The following ADGRA3 variants were observed in gnomAD, a reference collection of about 807,000 sequenced individuals.
ADGRA3 encodes the protein G-protein coupled receptor 125.
Under a neutral mutation model 119.8 loss-of-function variants are expected in ADGRA3, and 56 were observed. The observed-to-expected ratio is 0.47, with a 90% CI of 0.38 to 0.58. The LOEUF is 0.58. Ranked by LOEUF, ADGRA3 falls within the 20% of genes least tolerant of loss-of-function variation. The probability of loss-of-function intolerance (pLI) is 0.00; values close to 1 mark genes in which losing one functional copy is unlikely to be tolerated. For synonymous variants in ADGRA3, 607 were observed against 623.8 expected (o/e 0.97, Z 0.40); for missense variants, 1,516 against 1,649.0 (o/e 0.92, Z 1.40).
chr4:22,500,315 T>C (rs1465641914), intron 1 of ADGRA3, among the ~76,000 whole-genome samples: 2 of 152,202 alleles, frequency 1.3e-5, no homozygotes, highest in African/African-American at 2.4e-5. Flanking sequence ...CCTGAGAAGA[T>C]AATTTACTTG....
At chr4:22,423,045 A>C (rs2109039294) in intron 11 of ADGRA3, among the ~76,000 whole-genome samples, 1 of 152,138 alleles carries the variant, frequency 6.6e-6, no homozygotes, top group South Asian at 2.1e-4. Context: ...AAAATACAAA[A>C]ATTAGCCACA....
intron 10 of ADGRA3, among the ~76,000 whole-genome samples, chr4:22,434,000 G>A (rs898130058): frequency 2.1e-4 from 32 of 151,904 alleles, no homozygotes; most frequent in East Asian, 1.2e-3. Flanking sequence ...CCTAAGTCCC[G>A]TTTATATACA....
intron 1 of ADGRA3, among the ~76,000 whole-genome samples, chr4:22,486,167 T>G (rs190941335): frequency 1.6e-4 from 25 of 152,340 alleles, no homozygotes; most frequent in Admixed American, 3.3e-4. Context: ...CTTTCTCATT[T>G]TGCAGCCCTG....
At chr4:22,394,554 G>C (rs1396732781) in intron 16 of ADGRA3, 2 of 152,188 alleles carry the variant, frequency 1.3e-5, no homozygotes, top group African/African-American at 4.8e-5. Context: ...AAATGAATTT[G>C]ATGCATAGAA....
At chr4:22,443,650 G>C (rs561156613) in intron 6 of ADGRA3, among the ~76,000 whole-genome samples, 1 of 152,018 alleles carries the variant, frequency 6.6e-6, no homozygotes, top group Admixed American at 6.6e-5. Flanking sequence ...GAATTGATAT[G>C]CATCTATTTT....
At chr4:22,504,935 T>C (rs1171367546) in intron 1 of ADGRA3, among the ~76,000 whole-genome samples, 1 of 152,154 alleles carries the variant, frequency 6.6e-6, no homozygotes, top group Non-Finnish European at 1.5e-5. Flanking sequence ...GAACTTTTAA[T>C]GCTTTCTGTT....
chr4:22,415,788 A>G (rs1357731439), intron 12 of ADGRA3, among the ~76,000 whole-genome samples: 3 of 152,180 alleles, frequency 2.0e-5, no homozygotes, highest in African/African-American at 4.8e-5. Flanking sequence ...TATACTTTCT[A>G]GAAGTTAGAA....
intron 1 of ADGRA3, among the ~76,000 whole-genome samples, chr4:22,506,704 T>C (rs546203271): frequency 9.9e-5 from 15 of 152,146 alleles, no homozygotes; most frequent in African/African-American, 2.7e-4. Context: ...ACATAGGTAA[T>C]TCCCTTACTA....
At chr4:22,509,734 G>T (rs1471968064) in intron 1 of ADGRA3, among the ~76,000 whole-genome samples, 1 of 151,934 alleles carries the variant, frequency 6.6e-6, no homozygotes, top group African/African-American at 2.4e-5. Context: ...GACTTGGCCG[G>T]GCGCGGTGGC....
intron 6 of ADGRA3, among the ~76,000 whole-genome samples, chr4:22,444,635 C>A (rs1560320440): frequency 6.6e-6 from 1 of 152,106 alleles, no homozygotes; most frequent in African/African-American, 2.4e-5. Flanking sequence ...CCCACCCACA[C>A]ACAGGATGTG....
chr4:22,461,753 A>C lies in ADGRA3; in HGVS notation c.385T>G (p.Ser129Ala), dbSNP rs1464214027. Residue 129 changes from serine (S) to alanine (A), a missense_variant, in exon 3 of 19, where the codon TCA (serine) becomes GCA (alanine). Ser to Ala is a moderately conservative substitution (Grantham distance 99, BLOSUM62 1). This residue lies in a region of ADGRA3 where 428 missense variants were observed against 541.9 expected (regional missense o/e 0.79). Coordinates refer to ENST00000334304, the MANE Select transcript of ADGRA3 (RefSeq NM_145290.4). ...SIDPGAFWGL[S>A]SLKRLDLTNN... is the part of the protein sequence containing the mutation. ...AACACTTACAATCTTTTTAGAGATG[A>C]CAGTCCCCAGAAGGCACCTGGATCT... 2 of 1,606,134 alleles carry C rather than the reference A, an allele frequency of 1.2e-6. No homozygotes were observed. The highest frequency in any genetic ancestry group is 4.5e-5 in the East Asian group (2 of 44,748).
intron 2 of ADGRA3, among the ~76,000 whole-genome samples, chr4:22,470,320 T>TA (rs35417919): frequency 0.67 from 94,864 of 141,230 alleles, 32,140 homozygotes; most frequent in East Asian, 0.87. Flanking sequence ...GCTCCTAAAT[T>TA]AAAAAAAAAA....
At chr4:22,430,013 T>C (rs1716094106) in intron 10 of ADGRA3, among the ~76,000 whole-genome samples, 1 of 152,154 alleles carries the variant, frequency 6.6e-6, no homozygotes, top group South Asian at 2.1e-4. Flanking sequence ...TCTCACGATA[T>C]CTGATGGTAT....
chr4:22,431,848 T>C (rs985587707), intron 10 of ADGRA3, among the ~76,000 whole-genome samples: 4 of 152,164 alleles, frequency 2.6e-5, no homozygotes, highest in African/African-American at 9.7e-5. Flanking sequence ...TTAGAAATGT[T>C]TGGGGTCTTT....
At chr4:22,458,484 C>T (rs563656498) in intron 3 of ADGRA3, among the ~76,000 whole-genome samples, 5 of 152,246 alleles carry the variant, frequency 3.3e-5, no homozygotes, top group South Asian at 2.1e-4. Flanking sequence ...GACTCTTGGT[C>T]GGTGTTCGTA....
At chr4:22,413,119 G>A in intron 14 of ADGRA3, 63 bp downstream of exon 14, 1 of 1,204,978 alleles carries the variant, frequency 8.3e-7, no homozygotes, top group South Asian at 1.3e-5. Context: ...CTTCATTTGA[G>A]CTTAATTATG....
At chr4:22,465,893 A>G (rs958940561) in intron 2 of ADGRA3, among the ~76,000 whole-genome samples, 2 of 152,162 alleles carry the variant, frequency 1.3e-5, no homozygotes, top group African/African-American at 2.4e-5. Context: ...CAACTTCTCC[A>G]TATGTTTGAA....
chr4:22,430,995 G>T (rs1294446425), intron 10 of ADGRA3, among the ~76,000 whole-genome samples: 1 of 152,168 alleles, frequency 6.6e-6, no homozygotes, highest in African/African-American at 2.4e-5. Flanking sequence ...TTGAGATTGT[G>T]GGTGCACAGA....
intron 7 of ADGRA3, 40 bp from the exon 8 acceptor site, chr4:22,438,460 T>C (rs1283685370): frequency 7.8e-6 from 12 of 1,540,854 alleles, no homozygotes; most frequent in Non-Finnish European, 8.8e-6. Context: ...AAAATATAAT[T>C]AGGCAAAAAA....
Sources: allele counts gnomAD v4.1 joint callset (sites outside exome capture counted in the v4.1 genomes callset), GRCh38; gene constraint gnomAD v4.1.1; regional missense constraint gnomAD v4.1.1; transcripts MANE v1.5; gene names NCBI Gene and HGNC (gene_info 2026-07-23, HGNC 2026-07-21).